Variants in SNX29 observed in about 807,000 individuals in gnomAD.
SNX29 encodes sorting nexin 29.
SNX29 carries 78 observed loss-of-function variants against 102.1 expected under a neutral mutation model. The ratio of observed to expected loss-of-function variants is 0.76; its 90% CI spans 0.64 to 0.92. The LOEUF (loss-of-function observed/expected upper bound fraction) is 0.92. Among genes scored for constraint, SNX29 ranks in the 40% least tolerant of loss-of-function variants. The pLI is 0.00. For missense variants in SNX29, 1,280 were observed against 1,061.7 expected, an observed-to-expected ratio of 1.21 and a Z score of -2.86; for synonymous variants, 580 against 414.5, an observed-to-expected ratio of 1.40 and a Z score of -4.85.
intron 19 of SNX29, among the ~76,000 whole-genome samples, chr16:12,497,686 T>G (rs1295336496): frequency 1.3e-5 from 2 of 152,204 alleles, no homozygotes; most frequent in East Asian, 3.9e-4. Flanking sequence ...CTCTGCCTGC[T>G]TTTTCTCAAT....
At chr16:12,255,785 A>G (rs952907800) in intron 14 of SNX29, among the ~76,000 whole-genome samples, 1 of 152,198 alleles carries the variant, frequency 6.6e-6, no homozygotes, top group Non-Finnish European at 1.5e-5. Flanking sequence ...GTTGATGGAC[A>G]CAGGTTGATT....
At chr16:12,053,812 T>A (rs2050407646) in intron 8 of SNX29, among the ~76,000 whole-genome samples, 1 of 152,136 alleles carries the variant, frequency 6.6e-6, no homozygotes, top group Non-Finnish European at 1.5e-5. Flanking sequence ...TACCCTATAT[T>A]GTAAGACGTC....
At chr16:12,419,389 C>T (rs1361969172) in intron 18 of SNX29, among the ~76,000 whole-genome samples, 2 of 152,130 alleles carry the variant, frequency 1.3e-5, no homozygotes, top group Non-Finnish European at 2.9e-5. Flanking sequence ...CAGCTGACCA[C>T]CTCATTCTTC....
At chr16:12,518,195 C>T (rs1333287237) in intron 19 of SNX29, among the ~76,000 whole-genome samples, 1 of 152,270 alleles carries the variant, frequency 6.6e-6, no homozygotes, top group East Asian at 1.9e-4. Context: ...AAGCTTCCTA[C>T]ACCCTACTGT....
chr16:12,320,369 G>T (rs2080891760), intron 15 of SNX29, among the ~76,000 whole-genome samples: 2 of 152,000 alleles, frequency 1.3e-5, no homozygotes, highest in African/African-American at 4.8e-5. Context: ...TCTTCCTGCC[G>T]CAATGCCTGT....
chr16:12,523,167 G>A (rs1036444972), intron 19 of SNX29, among the ~76,000 whole-genome samples: 15 of 152,138 alleles, frequency 9.9e-5, no homozygotes, highest in Admixed American at 1.3e-4. Context: ...GGTTTTTCTC[G>A]TTGCTGACAG....
intron 14 of SNX29, among the ~76,000 whole-genome samples, chr16:12,260,368 G>A (rs995923829): frequency 5.8e-4 from 88 of 152,252 alleles, no homozygotes; most frequent in African/African-American, 2.1e-3. Context: ...CCCTGTTACC[G>A]TCTTCCTTCT....
chr16:12,519,875 G>C (rs2090027604), intron 19 of SNX29, among the ~76,000 whole-genome samples: 1 of 152,094 alleles, frequency 6.6e-6, no homozygotes, highest in African/African-American at 2.4e-5. Flanking sequence ...AGGCATGGTG[G>C]TGTGCCCCTG....
chr16:12,369,279 G>T (rs976214980), intron 16 of SNX29, among the ~76,000 whole-genome samples: 1 of 152,036 alleles, frequency 6.6e-6, no homozygotes. Flanking sequence ...GGGATTACAG[G>T]TGTGTGCCAC....
chr16:12,487,578 C>T (rs1303816128), intron 19 of SNX29, among the ~76,000 whole-genome samples: 1 of 152,182 alleles, frequency 6.6e-6, no homozygotes, highest in Non-Finnish European at 1.5e-5. Context: ...CGTGGAGAAG[C>T]CAGCCGCACA....
chr16:12,499,615 A>C (rs908331058), intron 19 of SNX29, among the ~76,000 whole-genome samples: 1 of 152,212 alleles, frequency 6.6e-6, no homozygotes, highest in African/African-American at 2.4e-5. Context: ...GGATCAGACC[A>C]CACCCCAGAC....
At chr16:12,544,009 C>G (rs532566311) in intron 20 of SNX29, among the ~76,000 whole-genome samples, 13 of 152,312 alleles carry the variant, frequency 8.5e-5, no homozygotes, top group Non-Finnish European at 1.6e-4. Context: ...AATGCAAAAG[C>G]CCTGGACTCT....
intron 14 of SNX29, among the ~76,000 whole-genome samples, chr16:12,262,819 C>T (rs189028658): frequency 2.6e-5 from 4 of 152,286 alleles, no homozygotes; most frequent in East Asian, 1.9e-4. Context: ...ATTGGTTTTC[C>T]GTGTATTCAC....
chr16:12,171,815 G>C (rs139325824), intron 13 of SNX29, among the ~76,000 whole-genome samples: 3,232 of 152,308 alleles, frequency 0.021, 63 homozygotes, highest in African/African-American at 0.055. Context: ...TTGTGGTGTG[G>C]TGGTATGGCC....
At chr16:12,380,608 CCATCCAT>C in intron 16 of SNX29, among the ~76,000 whole-genome samples, 1 of 127,626 alleles carries the variant, frequency 7.8e-6, no homozygotes, top group African/African-American at 3.0e-5. Context: ...CACCCATCCA[CCATCCAT>C]CCATCCACCC....
chr16:12,326,386 G>A (rs1036771923), intron 15 of SNX29, among the ~76,000 whole-genome samples: 1 of 149,544 alleles, frequency 6.7e-6, no homozygotes, highest in Admixed American at 6.7e-5. Flanking sequence ...AGGGGCCCTG[G>A]AAGGGTTGAA....
chr16:12,571,597 G>C lies in SNX29; in HGVS notation c.*2968G>C, dbSNP rs1300046832. ...CTTCATGGCCTGCTGTGCTGAAACA[G>C]AACAGCAGGTTCCATCTTTCACATC... is the stretch of plus-strand genomic sequence containing the variant. On this transcript the variant is annotated 3_prime_UTR_variant, in exon 21 of 21. Coordinates refer to ENST00000566228, the MANE Select transcript of SNX29 (RefSeq NM_032167.5). 2.4e-5 allele frequency: 25 copies of C among 1,060,284 alleles called. No homozygotes were observed. The highest frequency in any genetic ancestry group is 2.4e-5 in the Non-Finnish European group (21 of 875,954). 65.7% of individuals were successfully genotyped at this position (1,060,284 alleles called of 1,614,324 possible). A position where few individuals can be genotyped will look rare whatever the true frequency, so the allele number is the denominator to read the frequency against.
chr16:12,360,848 A>G (rs2082280519), intron 16 of SNX29, among the ~76,000 whole-genome samples: 1 of 152,152 alleles, frequency 6.6e-6, no homozygotes, highest in Admixed American at 6.5e-5. Context: ...TATCATCTCC[A>G]TTTTACAGGT....
intron 16 of SNX29, among the ~76,000 whole-genome samples, chr16:12,361,508 T>C (rs748740995): frequency 5.3e-5 from 8 of 152,222 alleles, no homozygotes; most frequent in Admixed American, 3.9e-4. Context: ...TTCCCTCTTG[T>C]ATATTAGTAA....
Sources: allele counts gnomAD v4.1 joint callset (sites outside exome capture counted in the v4.1 genomes callset), GRCh38; gene constraint gnomAD v4.1.1; transcripts MANE v1.5; gene names NCBI Gene and HGNC (gene_info 2026-07-23, HGNC 2026-07-21).